PARD3B: variants seen among roughly 807,000 people sequenced by gnomAD.
The protein encoded by PARD3B is par-3 family cell polarity regulator beta, also known as partitioning defective 3 homolog B.
A neutral mutation model predicts 130.2 loss-of-function variants in PARD3B; 103 were observed. That is an observed-to-expected ratio of 0.79 (90% confidence interval 0.67 to 0.93). PARD3B has a LOEUF of 0.93. Ranked by LOEUF, PARD3B falls within the 40% of genes least tolerant of loss-of-function variation. The pLI, the probability that PARD3B is intolerant of heterozygous loss-of-function variation, is 0.00. For missense variants in PARD3B, 1,609 were observed against 1,499.2 expected (o/e 1.07, Z -1.21); for synonymous variants, 583 against 553.2 (o/e 1.05, Z -0.76).
intron 2 of PARD3B, among the ~76,000 whole-genome samples, chr2:204,705,961 G>T (rs2038125068): frequency 6.6e-6 from 1 of 152,122 alleles, no homozygotes; most frequent in Admixed American, 6.6e-5. Flanking sequence ...TGCACAATAG[G>T]TACTCAGTAA....
Position 205,187,164 on chromosome 2 carries a change from A to G in PARD3B, c.2024+1301A>G, listed in dbSNP as rs2036149352. Among the ~76,000 whole-genome samples the G allele has an allele frequency of 6.6e-6, 1 of 152,212 alleles. No individual in the cohort carries two copies. The highest frequency in any genetic ancestry group is 2.4e-5 in the African/African-American group (1 of 41,454). ...AAGGAATCAGGGAAAATACTATGGT[A>G]AAAGTGTCATTTGAGCTGAACCCTA... is the stretch of plus-strand genomic sequence containing the variant. On this transcript the variant is annotated intron_variant, in intron 14 of 22. Transcript: ENST00000406610. The surrounding 1 kb of genome is among the most constrained non-coding windows in gnomAD (Gnocchi z 4.9).
In PARD3B at chr2:205,572,280, T is replaced by C. The variant is rs1355680227; in HGVS notation, c.3260+18877T>C. On this transcript the variant is annotated intron_variant, in intron 22 of 22. Coordinates refer to ENST00000406610, the MANE Select transcript of PARD3B (RefSeq NM_001302769.2). The surrounding 1 kb of genome is among the most constrained non-coding windows in gnomAD (Gnocchi z 4.2). Reference sequence around the variant, plus strand: ...GTAGAATAAGTGCTAAAATTTTATATGCATAAATGGAATTTGAAGAAGTGG... The same window carrying C: ...GTAGAATAAGTGCTAAAATTTTATACGCATAAATGGAATTTGAAGAAGTGG... Among the ~76,000 whole-genome samples, 1 of 152,204 alleles carries C rather than the reference T, an allele frequency of 6.6e-6. No individual in the cohort carries two copies. The highest frequency in any genetic ancestry group is 2.4e-5 in the African/African-American group (1 of 41,460).
intron 1 of PARD3B, among the ~76,000 whole-genome samples, chr2:204,577,181 A>G (rs1252416018): frequency 1.3e-5 from 2 of 152,214 alleles, no homozygotes; most frequent in East Asian, 3.8e-4. Context: ...GGCACTATTC[A>G]TACTACATGG....
At chr2:204,584,470 T>G (rs1200628103) in intron 1 of PARD3B, among the ~76,000 whole-genome samples, 3 of 152,186 alleles carry the variant, frequency 2.0e-5, no homozygotes, top group African/African-American at 7.2e-5. Context: ...AAATGCATCC[T>G]TTACTACCCT....
Position 205,321,498 on chromosome 2 carries a change from C to G in PARD3B, c.2630+19797C>G, listed in dbSNP as rs911634009. On this transcript the variant is annotated intron_variant, in intron 18 of 22. Coordinates refer to ENST00000406610, the MANE Select transcript of PARD3B (RefSeq NM_001302769.2). The surrounding 1 kb of genome is among the most constrained non-coding windows in gnomAD (Gnocchi z 4.2). ...TCTTTCCCTCTCTCTCTCTCTCCCC[C>G]CGCCCATATGAATGTATATGCACAA... Among the ~76,000 whole-genome samples, 4 of 152,120 alleles carry G rather than the reference C, an allele frequency of 2.6e-5. No individual in the cohort carries two copies. The highest frequency in any genetic ancestry group is 5.9e-5 in the Non-Finnish European group (4 of 67,998).
chr2:204,680,112 C>G (rs1362910676), intron 1 of PARD3B, among the ~76,000 whole-genome samples: 1 of 151,822 alleles, frequency 6.6e-6, no homozygotes, highest in African/African-American at 2.4e-5. Context: ...TTTTTCTAGT[C>G]TCTAGAAGTA....
intron 1 of PARD3B, among the ~76,000 whole-genome samples, chr2:204,574,041 T>C (rs1361879669): frequency 1.3e-5 from 2 of 152,212 alleles, no homozygotes; most frequent in Admixed American, 6.5e-5. Flanking sequence ...TGTCAGAGCA[T>C]CTTCCTATTT....
chr2:205,246,475 T>G (rs1485434519), intron 16 of PARD3B, among the ~76,000 whole-genome samples: 1 of 152,202 alleles, frequency 6.6e-6, no homozygotes, highest in African/African-American at 2.4e-5. Context: ...CATCATTTAT[T>G]CACATTAGTT....
At chr2:204,763,550 G>A (rs2041001832) in intron 2 of PARD3B, among the ~76,000 whole-genome samples, 1 of 152,122 alleles carries the variant, frequency 6.6e-6, no homozygotes, top group African/African-American at 2.4e-5. Context: ...TTAAAAAAAG[G>A]AAAATTGATT....
intron 10 of PARD3B, among the ~76,000 whole-genome samples, chr2:205,152,058 T>C (rs1024635135): frequency 1.3e-5 from 2 of 152,208 alleles, no homozygotes; most frequent in African/African-American, 4.8e-5. Context: ...GGGTTGAAAA[T>C]TCTTTTCTTT....
At chr2:205,490,221 T>A (rs1286487771) in intron 20 of PARD3B, among the ~76,000 whole-genome samples, 2 of 152,078 alleles carry the variant, frequency 1.3e-5, no homozygotes, top group Non-Finnish European at 2.9e-5. Flanking sequence ...CGTTAACTCG[T>A]CATTTAACAT....
intron 2 of PARD3B, among the ~76,000 whole-genome samples, chr2:204,687,605 T>C: frequency 6.6e-6 from 1 of 152,182 alleles, no homozygotes; most frequent in East Asian, 1.9e-4. Flanking sequence ...AATTTTGATA[T>C]ATACTTCCTG....
In PARD3B at chr2:204,664,040, A is replaced by C. The variant is rs183131852; in HGVS notation, c.121-22141A>C. The stretch of plus-strand genomic sequence containing the variant: ...GACAGTAAACTCATATTGTTCAAAG[A>C]ATAGGGCCCTTAATTGGGTGGGATT... On this transcript the variant is annotated intron_variant, in intron 1 of 22. Transcript: ENST00000406610. The surrounding 1 kb of genome is among the most constrained non-coding windows in gnomAD (Gnocchi z 5.2). Among the ~76,000 whole-genome samples the C allele has an allele frequency of 1.1e-3, 164 of 152,330 alleles. No individual in the cohort carries two copies. Among genetic ancestry groups the C allele is most frequent in the Non-Finnish European group, 1.8e-3 (122 of 68,036 alleles).
At chr2:205,074,518 A>G (rs1242067050) in intron 4 of PARD3B, among the ~76,000 whole-genome samples, 1 of 152,212 alleles carries the variant, frequency 6.6e-6, no homozygotes, top group East Asian at 1.9e-4. Flanking sequence ...TTATCTTCAT[A>G]GAAAATGGTA....
intron 21 of PARD3B, among the ~76,000 whole-genome samples, chr2:205,514,691 A>G (rs1310802881): frequency 6.6e-6 from 1 of 152,102 alleles, no homozygotes; most frequent in Non-Finnish European, 1.5e-5. Context: ...TCTTAAATAA[A>G]CATATTGCAA....
chr2:204,781,005 T>C (rs2125452088), intron 2 of PARD3B, among the ~76,000 whole-genome samples: 1 of 152,258 alleles, frequency 6.6e-6, no homozygotes, highest in South Asian at 2.1e-4. Context: ...GCTTTGCATA[T>C]CACATCATTC....
intron 19 of PARD3B, among the ~76,000 whole-genome samples, chr2:205,419,606 A>G (rs1315158831): frequency 6.6e-6 from 1 of 152,220 alleles, no homozygotes; most frequent in East Asian, 1.9e-4. Context: ...CAAGTTCCAT[A>G]TTACATACAA....
intron 15 of PARD3B, among the ~76,000 whole-genome samples, chr2:205,218,418 A>G (rs1279221838): frequency 6.6e-6 from 1 of 152,216 alleles, no homozygotes; most frequent in Admixed American, 6.5e-5. Context: ...ATGGAAGCTT[A>G]TGCCAATTTT....
chr2:205,484,723 GAT>G (rs1316372187), intron 20 of PARD3B, among the ~76,000 whole-genome samples: 5 of 152,090 alleles, frequency 3.3e-5, no homozygotes, highest in African/African-American at 1.2e-4. Context: ...ACCTCAGTAT[GAT>G]ATAAATAAAA....
Sources: gnomAD v4.1 joint callset for allele counts (sites outside exome capture counted in the v4.1 genomes callset) on GRCh38, gnomAD v4.1.1 for gene constraint, Gnocchi (gnomAD v3.1) non-coding constraint, MANE v1.5 for transcripts, NCBI Gene and HGNC (gene_info 2026-07-23, HGNC 2026-07-21) for gene names.